The following PTPRT variants were observed in gnomAD, a reference collection of about 807,000 sequenced individuals.
PTPRT encodes the protein protein tyrosine phosphatase receptor type T, also known as receptor-type tyrosine-protein phosphatase T.
PTPRT carries 56 observed loss-of-function variants against 176.8 expected under a neutral mutation model. The ratio of observed to expected loss-of-function variants is 0.32; its 90% confidence interval spans 0.26 to 0.40. The LOEUF is 0.40. Ranked by LOEUF, PTPRT falls within the 10% of genes least tolerant of loss-of-function variation. The pLI is 1.00. For missense variants in PTPRT, 1,540 were observed against 1,908.2 expected, an observed-to-expected ratio of 0.81 and a Z score of 3.60; for synonymous variants, 783 against 739.0, an observed-to-expected ratio of 1.06 and a Z score of -0.96.
chr20:42,259,990 T>C (rs1028289431), intron 13 of PTPRT, among the ~76,000 whole-genome samples: 24 of 152,320 alleles, frequency 1.6e-4, no homozygotes, highest in African/African-American at 5.8e-4. Flanking sequence ...AGGATTATAA[T>C]GATGACAGTG....
intron 1 of PTPRT, among the ~76,000 whole-genome samples, chr20:42,980,973 C>T (rs528242939): frequency 6.6e-6 from 1 of 152,268 alleles, no homozygotes; most frequent in Admixed American, 6.5e-5. Context: ...TTCAGTGTGC[C>T]TTTCTCCAAC....
chr20:42,452,266 T>TAAA (rs2070844336), intron 8 of PTPRT, among the ~76,000 whole-genome samples: 1 of 115,098 alleles, frequency 8.7e-6, no homozygotes, highest in African/African-American at 3.5e-5. Flanking sequence ...AGACTCCATC[T>TAAA]CAAAAAAAAA....
At chr20:42,979,921 C>T (rs949192865) in intron 1 of PTPRT, among the ~76,000 whole-genome samples, 1 of 10,256 alleles carries the variant, frequency 9.8e-5, no homozygotes, top group South Asian at 6.9e-3. Context: ...CACAGGCATG[C>T]CTGGAGGGGG....
At chr20:42,823,454 C>T (rs2077936158) in intron 2 of PTPRT, among the ~76,000 whole-genome samples, 1 of 151,932 alleles carries the variant, frequency 6.6e-6, no homozygotes, top group African/African-American at 2.4e-5. Context: ...CACCATGGCA[C>T]ACATATACTC....
intron 26 of PTPRT, among the ~76,000 whole-genome samples, chr20:42,099,649 A>G (rs1568928467): frequency 6.7e-6 from 1 of 149,244 alleles, no homozygotes; most frequent in Admixed American, 6.9e-5. Context: ...AAGATTCTCC[A>G]CTTCATCAGT....
chr20:42,974,134 C>T (rs1401570291), intron 1 of PTPRT, among the ~76,000 whole-genome samples: 1 of 152,118 alleles, frequency 6.6e-6, no homozygotes, highest in Non-Finnish European at 1.5e-5. Context: ...AGATGCTACC[C>T]CAGCTGAACA....
chr20:43,168,158 T>A (rs755137830), intron 1 of PTPRT, among the ~76,000 whole-genome samples: 3 of 152,198 alleles, frequency 2.0e-5, no homozygotes, highest in Non-Finnish European at 4.4e-5. Flanking sequence ...TAAGCTTTCA[T>A]GAATTTAAAA....
At chr20:42,108,157 C>T (rs1986651492) in intron 23 of PTPRT, among the ~76,000 whole-genome samples, 1 of 152,146 alleles carries the variant, frequency 6.6e-6, no homozygotes, top group Non-Finnish European at 1.5e-5. Context: ...CAGCGGTGAC[C>T]AAGTTGCCTA....
intron 17 of PTPRT, among the ~76,000 whole-genome samples, chr20:42,145,497 C>CATAGATAGATAGATAGATAGATAGATAG (rs59838948): frequency 6.9e-6 from 1 of 144,444 alleles, no homozygotes; most frequent in African/African-American, 2.6e-5. Context: ...GACTTTGTCT[C>CATAGATAGATAGATAGATAGATAGATAG]ATAGATAGAT....
intron 15 of PTPRT, among the ~76,000 whole-genome samples, chr20:42,231,938 A>G (rs1005638973): frequency 6.6e-6 from 1 of 152,060 alleles, no homozygotes; most frequent in Non-Finnish European, 1.5e-5. Context: ...GGGGAAATAT[A>G]GAATTCCTCT....
At chr20:42,213,955 T>C (rs763936448) in intron 15 of PTPRT, among the ~76,000 whole-genome samples, 25 of 152,202 alleles carry the variant, frequency 1.6e-4, no homozygotes, top group Non-Finnish European at 3.4e-4. Flanking sequence ...ATGTTATTTG[T>C]TTAATAAACA....
chr20:42,176,313 C>T (rs1465096731), intron 16 of PTPRT, among the ~76,000 whole-genome samples: 3 of 152,052 alleles, frequency 2.0e-5, no homozygotes, highest in Non-Finnish European at 2.9e-5. Context: ...TGCCTCAGTT[C>T]CATTTGCCTT....
At chr20:42,396,851 C>T (rs778616731) in intron 9 of PTPRT, among the ~76,000 whole-genome samples, 15 of 152,318 alleles carry the variant, frequency 9.8e-5, no homozygotes, top group Middle Eastern at 3.4e-3. Context: ...AGCCACTGAG[C>T]CCGGTCACTT....
chr20:42,680,188 T>C (rs2075579620), intron 6 of PTPRT, among the ~76,000 whole-genome samples: 1 of 152,188 alleles, frequency 6.6e-6, no homozygotes, highest in South Asian at 2.1e-4. Flanking sequence ...GCAAAGATTC[T>C]CTAGAAACAG....
chr20:42,941,044 T>C (rs1381910608), intron 1 of PTPRT, among the ~76,000 whole-genome samples: 1 of 151,620 alleles, frequency 6.6e-6, no homozygotes, highest in Admixed American at 6.6e-5. Flanking sequence ...ATCATGCCAC[T>C]GCACTCCAGC....
chr20:42,274,199 C>T (rs2056986325), intron 13 of PTPRT, among the ~76,000 whole-genome samples: 1 of 152,156 alleles, frequency 6.6e-6, no homozygotes, highest in Non-Finnish European at 1.5e-5. Context: ...ATGTGACTAG[C>T]TCTCATCAAG....
At chr20:42,969,768 G>C (rs551150563) in intron 1 of PTPRT, 1 of 152,176 alleles carries the variant, frequency 6.6e-6, no homozygotes, top group East Asian at 1.9e-4. Context: ...CATACTTTTT[G>C]CTACAAAAAT....
intron 9 of PTPRT, among the ~76,000 whole-genome samples, chr20:42,358,839 C>A (rs1172574520): frequency 6.6e-6 from 1 of 152,180 alleles, no homozygotes; most frequent in Non-Finnish European, 1.5e-5. Flanking sequence ...GATTTCATTT[C>A]CTTGGTAGTG....
chr20:42,948,281 G>A (rs1158173276), intron 1 of PTPRT, among the ~76,000 whole-genome samples: 3 of 152,106 alleles, frequency 2.0e-5, no homozygotes, highest in Admixed American at 1.3e-4. Context: ...CACCCAGGGA[G>A]GGCAGTACTG....
Sources: allele counts gnomAD v4.1 joint callset (sites outside exome capture counted in the v4.1 genomes callset), GRCh38; gene constraint gnomAD v4.1.1; transcripts MANE v1.5; gene names NCBI Gene and HGNC (gene_info 2026-07-23, HGNC 2026-07-21).